Variants in LRRTM4 observed in about 807,000 individuals in gnomAD.
LRRTM4 encodes leucine-rich repeat transmembrane neuronal protein 4.
A neutral mutation model predicts 47.6 loss-of-function variants in LRRTM4; 25 were observed. The ratio of observed to expected loss-of-function variants is 0.53; its 90% CI spans 0.38 to 0.73. The LOEUF is 0.73. LRRTM4 is among the 30% of genes least tolerant of loss of function. The probability of loss-of-function intolerance (pLI) is 0.00; values close to 1 mark genes in which losing one functional copy is unlikely to be tolerated. For missense variants in LRRTM4, 638 were observed against 713.4 expected, an observed-to-expected ratio of 0.89 and a Z score of 1.20; for synonymous variants, 311 against 269.5, an observed-to-expected ratio of 1.15 and a Z score of -1.51.
chr2:77,081,823 A>C (rs1680544134), intron 3 of LRRTM4, among the ~76,000 whole-genome samples: 1 of 152,204 alleles, frequency 6.6e-6, no homozygotes, highest in African/African-American at 2.4e-5. Context: ...ATATCCTTTT[A>C]GACCAATCAG....
intron 3 of LRRTM4, among the ~76,000 whole-genome samples, chr2:77,279,693 A>G (rs1370727965): frequency 6.6e-6 from 1 of 151,982 alleles, no homozygotes; most frequent in Non-Finnish European, 1.5e-5. Context: ...AATGTATAAA[A>G]ATTAGACTAA....
At chr2:77,049,580 T>C (rs1039828529) in intron 3 of LRRTM4, among the ~76,000 whole-genome samples, 1 of 151,968 alleles carries the variant, frequency 6.6e-6, no homozygotes, top group South Asian at 2.1e-4. Context: ...TGTTGACCGT[T>C]TGTTTGTCTT....
chr2:77,323,863 A>G (rs1377975104), intron 3 of LRRTM4, among the ~76,000 whole-genome samples: 1 of 152,082 alleles, frequency 6.6e-6, no homozygotes, highest in Non-Finnish European at 1.5e-5. Flanking sequence ...TAATTTCCTT[A>G]ACCATAAATT....
chr2:77,053,456 T>A (rs559511867), intron 3 of LRRTM4, among the ~76,000 whole-genome samples: 225 of 152,224 alleles, frequency 1.5e-3, no homozygotes, highest in Non-Finnish European at 2.8e-3. Context: ...TCTGTGGAAA[T>A]GGATAATAGA....
At chr2:76,939,548 A>G (rs1482363539) in intron 3 of LRRTM4, among the ~76,000 whole-genome samples, 1 of 152,032 alleles carries the variant, frequency 6.6e-6, no homozygotes, top group Non-Finnish European at 1.5e-5. Flanking sequence ...CATGGAAGAT[A>G]AAACAGATTT....
chr2:77,341,143 C>T (rs565368043), intron 3 of LRRTM4, among the ~76,000 whole-genome samples: 3 of 151,958 alleles, frequency 2.0e-5, no homozygotes, highest in South Asian at 2.1e-4. Flanking sequence ...ACTCTGCTAC[C>T]CAGAGAGGGC....
At position 77,184,887 on chromosome 2, in the gene LRRTM4, G is replaced by A. The variant is rs74606031; in HGVS notation, c.1551+333431C>T. ...TTTGAAAATAAGATAGCGTTGATTTGGAGAAACATTTATTCCCCATGTTCT... is the reference window on the plus strand; with the variant it reads ...TTTGAAAATAAGATAGCGTTGATTTAGAGAAACATTTATTCCCCATGTTCT... On this transcript the variant is annotated intron_variant, in intron 3 of 3. Coordinates refer to ENST00000409884, the MANE Select transcript of LRRTM4 (RefSeq NM_001134745.3). 4.7e-3 allele frequency among the ~76,000 whole-genome samples: 712 copies of A among 152,162 alleles called. 20 individuals are homozygous for A. In the East Asian group the frequency reaches 0.063, roughly 14 times the overall value.
intron 3 of LRRTM4, among the ~76,000 whole-genome samples, chr2:77,361,887 C>T (rs145147385): frequency 2.9e-4 from 44 of 151,982 alleles, no homozygotes; most frequent in Admixed American, 2.0e-4. Flanking sequence ...AGTTCAAGAC[C>T]AAGCCTAGCC....
rs1006293614 is a variant in LRRTM4 at position 76,798,019 on chromosome 2, C to T, written c.1552-49103G>A. 8.3e-5 allele frequency among the ~76,000 whole-genome samples: 12 copies of T among 144,838 alleles called. 1 individual carries two copies. Among genetic ancestry groups the T allele is most frequent in the African/African-American group, 3.2e-4 (12 of 37,580 alleles). On this transcript the variant is annotated intron_variant, in intron 3 of 3. Coordinates refer to ENST00000409884, the MANE Select transcript of LRRTM4 (RefSeq NM_001134745.3). ...TAGACTCCCACACATTAACACCCCA[C>T]TGTCAACATTAGACAGATCAATGAG...
chr2:76,767,170 G>A (rs1240102036), intron 3 of LRRTM4, among the ~76,000 whole-genome samples: 1 of 152,138 alleles, frequency 6.6e-6, no homozygotes, highest in South Asian at 2.1e-4. Flanking sequence ...AAAGTTTTGA[G>A]TGTGCAGTAT....
chr2:77,253,865 G>A (rs1407159247), intron 3 of LRRTM4, among the ~76,000 whole-genome samples: 3 of 152,074 alleles, frequency 2.0e-5, no homozygotes, highest in Non-Finnish European at 4.4e-5. Flanking sequence ...TCAGGAATCT[G>A]TGGGACGATT....
chr2:77,055,081 G>T (rs1340216297), intron 3 of LRRTM4, among the ~76,000 whole-genome samples: 1 of 152,124 alleles, frequency 6.6e-6, no homozygotes, highest in Non-Finnish European at 1.5e-5. Flanking sequence ...AACAGTGCCA[G>T]CAGAAGAGGA....
chr2:77,245,741 G>A (rs982629753), intron 3 of LRRTM4, among the ~76,000 whole-genome samples: 1 of 151,954 alleles, frequency 6.6e-6, no homozygotes, highest in Non-Finnish European at 1.5e-5. Context: ...ACATCTACAT[G>A]TAGCATGTGT....
chr2:77,144,601 A>C (rs568198881), intron 3 of LRRTM4, among the ~76,000 whole-genome samples: 60 of 152,320 alleles, frequency 3.9e-4, no homozygotes, highest in Non-Finnish European at 7.8e-4. Flanking sequence ...ATGGAGGCTA[A>C]AGGACCTCTG....
At chr2:76,840,625 G>A (rs1018454146) in intron 3 of LRRTM4, among the ~76,000 whole-genome samples, 37 of 152,162 alleles carry the variant, frequency 2.4e-4, no homozygotes, top group African/African-American at 8.9e-4. Flanking sequence ...GAAACCAACT[G>A]CTTGAGTTTC....
chr2:76,851,755 G>GTTTTTTTTTTTTTTTTTTTTTTTCT (rs34184474), intron 3 of LRRTM4, among the ~76,000 whole-genome samples: 1 of 117,744 alleles, frequency 8.5e-6, no homozygotes, highest in Non-Finnish European at 1.7e-5. Flanking sequence ...ACTTTTATTC[G>GTTTTTTTTTTTTTTTTTTTTTTTCT]TTTTTTTTTT....
At chr2:77,072,839 A>G (rs1225137977) in intron 3 of LRRTM4, among the ~76,000 whole-genome samples, 3 of 149,362 alleles carry the variant, frequency 2.0e-5, no homozygotes, top group Non-Finnish European at 4.4e-5. Flanking sequence ...GCTGCCTTAC[A>G]GTTTCCAAGG....
At chr2:77,483,118 C>CAAAAAAAAAAAAAAAAAAAA (rs776265725) in intron 3 of LRRTM4, among the ~76,000 whole-genome samples, 6 of 60,580 alleles carry the variant, frequency 9.9e-5, no homozygotes, top group Non-Finnish European at 1.4e-4. Flanking sequence ...AAGACTGTCT[C>CAAAAAAAAAAAAAAAAAAAA]AAAAAAAAAA....
intron 3 of LRRTM4, among the ~76,000 whole-genome samples, chr2:77,368,839 T>C (rs1465036116): frequency 2.0e-5 from 3 of 151,792 alleles, no homozygotes; most frequent in Admixed American, 6.6e-5. Context: ...GGTGATTTTG[T>C]TTCCTTTGGC....
Sources: gnomAD v4.1 joint callset for allele counts (sites outside exome capture counted in the v4.1 genomes callset) on GRCh38, gnomAD v4.1.1 for gene constraint, MANE v1.5 for transcripts, NCBI Gene and HGNC (gene_info 2026-07-23, HGNC 2026-07-21) for gene names.